The following MSRB3 variants were observed in gnomAD, a reference collection of about 807,000 sequenced individuals.
MSRB3 encodes methionine sulfoxide reductase B3.
In MSRB3, 13 loss-of-function variants were observed where a neutral mutation model predicts 21.0. The observed-to-expected ratio is 0.62, with a 90% confidence interval of 0.40 to 0.98. The LOEUF is 0.98. Ranked by LOEUF, MSRB3 falls within the 50% of genes least tolerant of loss-of-function variation. The pLI is 0.00. For missense variants in MSRB3, 199 were observed against 230.3 expected, an observed-to-expected ratio of 0.86 and a Z score of 0.88; for synonymous variants, 87 against 88.6, an observed-to-expected ratio of 0.98 and a Z score of 0.10.
intron 5 of MSRB3, among the ~76,000 whole-genome samples, chr12:65,414,395 A>G (rs959639761): frequency 2.0e-5 from 3 of 152,158 alleles, no homozygotes; most frequent in African/African-American, 7.2e-5. Context: ...TGGACCACAT[A>G]TAACAATGGT....
intron 1 of MSRB3, among the ~76,000 whole-genome samples, chr12:65,293,770 A>T (rs565414773): frequency 6.6e-6 from 1 of 152,226 alleles, no homozygotes. Context: ...CTTGTTTCTC[A>T]CTTTCTCCCC....
At chr12:65,314,478 G>A (rs1401812514) in intron 2 of MSRB3, among the ~76,000 whole-genome samples, 1 of 152,058 alleles carries the variant, frequency 6.6e-6, no homozygotes, top group Non-Finnish European at 1.5e-5. Flanking sequence ...AACTGTTTTA[G>A]TAGCCCTATA....
At chr12:65,290,003 A>G (rs1288838395) in intron 1 of MSRB3, among the ~76,000 whole-genome samples, 1 of 151,996 alleles carries the variant, frequency 6.6e-6, no homozygotes, top group East Asian at 1.9e-4. Flanking sequence ...TTTATTATCC[A>G]TATGTTTTTC....
At chr12:65,352,064 A>G (rs1055996753) in intron 4 of MSRB3, among the ~76,000 whole-genome samples, 1 of 151,988 alleles carries the variant, frequency 6.6e-6, no homozygotes, top group African/African-American at 2.4e-5. Flanking sequence ...AAAATCCTCA[A>G]TAAAATACTG....
intron 6 of MSRB3, among the ~76,000 whole-genome samples, chr12:65,461,979 T>G (rs545130359): frequency 3.3e-5 from 5 of 152,312 alleles, no homozygotes; most frequent in African/African-American, 1.2e-4. Context: ...GCTTTCTACC[T>G]TCCATGCTTT....
At chr12:65,451,838 G>A (rs558081714) in intron 5 of MSRB3, among the ~76,000 whole-genome samples, 1 of 152,230 alleles carries the variant, frequency 6.6e-6, no homozygotes, top group East Asian at 1.9e-4. Flanking sequence ...CTTATTTAAG[G>A]CTAACTGGAA....
chr12:65,296,174 C>A (rs1872951911), intron 1 of MSRB3, among the ~76,000 whole-genome samples: 1 of 152,094 alleles, frequency 6.6e-6, no homozygotes. Context: ...ATAATGATTT[C>A]TCTGACAGTT....
intron 5 of MSRB3, among the ~76,000 whole-genome samples, chr12:65,397,368 T>C (rs1483562549): frequency 6.6e-6 from 1 of 152,216 alleles, no homozygotes; most frequent in Non-Finnish European, 1.5e-5. Context: ...TTTAAAGTGA[T>C]TATTGATATA....
At chr12:65,342,008 G>C (rs943625160) in intron 4 of MSRB3, among the ~76,000 whole-genome samples, 4 of 151,668 alleles carry the variant, frequency 2.6e-5, no homozygotes, top group Non-Finnish European at 5.9e-5. Context: ...GTTTTTTTCT[G>C]TTGTCTCTCA....
intron 5 of MSRB3, 95 bp downstream of exon 5, chr12:65,369,121 A>C: frequency 1.1e-6 from 1 of 935,844 alleles, no homozygotes; most frequent in Non-Finnish European, 1.7e-6. Context: ...TTGATTTTAA[A>C]CAGACTAGGC....
chr12:65,396,700 A>G (rs201286065), intron 5 of MSRB3, among the ~76,000 whole-genome samples: 121 of 11,608 alleles, frequency 0.01, 1 homozygote, highest in African/African-American at 0.048. Context: ...TCAAAAAAAA[A>G]AAAAAAAGAA....
chr12:65,371,429 T>G (rs1878319449), intron 5 of MSRB3, among the ~76,000 whole-genome samples: 1 of 151,920 alleles, frequency 6.6e-6, no homozygotes, highest in Admixed American at 6.6e-5. Flanking sequence ...AAACTAGGTC[T>G]GTCTAATGTT....
intron 5 of MSRB3, among the ~76,000 whole-genome samples, chr12:65,382,920 C>T (rs1436995179): frequency 6.6e-6 from 1 of 151,670 alleles, no homozygotes; most frequent in African/African-American, 2.4e-5. Flanking sequence ...AAATTTCCTC[C>T]CAAACGTTTT....
Position 65,463,316 on chromosome 12 carries a change from G to C in MSRB3, c.552G>C (p.Glu184Asp), listed in dbSNP as rs768529414. The C allele has an allele frequency of 6.2e-7, 1 of 1,614,180 alleles. No homozygotes were observed. The highest frequency in any genetic ancestry group is 2.2e-5 in the East Asian group (1 of 44,878). The change falls in exon 7 of 7, where the codon GAG becomes GAC. Residue 184 changes from glutamate to aspartate, a missense_variant. Glu to Asp is a conservative substitution (Grantham distance 45, BLOSUM62 2). Transcript: ENST00000308259. Reference protein sequence around the residue: ...VASPAQADKAEL With the variant: ...VASPAQADKADL The stretch of plus-strand genomic sequence containing the variant: ...GCCCGGCCCAGGCAGACAAAGCGGA[G>C]CTCTAGAGTAATGGAGAGTGATGGA...
chr12:65,370,533 A>G (rs966365859), intron 5 of MSRB3, among the ~76,000 whole-genome samples: 7 of 152,224 alleles, frequency 4.6e-5, no homozygotes, highest in African/African-American at 1.7e-4. Context: ...AATTGAAGGT[A>G]GAACCTGGAA....
At chr12:65,289,759 T>C (rs1872573751) in intron 1 of MSRB3, among the ~76,000 whole-genome samples, 1 of 152,180 alleles carries the variant, frequency 6.6e-6, no homozygotes, top group Non-Finnish European at 1.5e-5. Flanking sequence ...CCATGTGTAC[T>C]AGATGTTTAG....
intron 2 of MSRB3, among the ~76,000 whole-genome samples, chr12:65,326,031 T>C (rs1436483700): frequency 1.3e-5 from 2 of 152,228 alleles, no homozygotes; most frequent in African/African-American, 4.8e-5. Flanking sequence ...TTCCTAGATA[T>C]ACTTTGCAAA....
chr12:65,377,280 T>C (rs145317254), intron 5 of MSRB3, among the ~76,000 whole-genome samples: 3 of 152,292 alleles, frequency 2.0e-5, no homozygotes, highest in South Asian at 4.1e-4. Context: ...ATAGCCTTGA[T>C]ATCATTTTTT....
At chr12:65,322,862 G>A (rs1565832755) in intron 2 of MSRB3, among the ~76,000 whole-genome samples, 1 of 151,994 alleles carries the variant, frequency 6.6e-6, no homozygotes, top group Non-Finnish European at 1.5e-5. Flanking sequence ...AAGATTAAAT[G>A]TATTTATGTG....
Sources: gnomAD v4.1 joint callset for allele counts (sites outside exome capture counted in the v4.1 genomes callset) on GRCh38, gnomAD v4.1.1 for gene constraint, MANE v1.5 for transcripts, NCBI Gene and HGNC (gene_info 2026-07-23, HGNC 2026-07-21) for gene names.